The following DLG2 variants were observed in gnomAD, a reference collection of about 807,000 sequenced individuals.
The protein encoded by DLG2 is disks large homolog 2.
A neutral mutation model predicts 132.5 loss-of-function variants in DLG2; 45 were observed. That is an observed-to-expected ratio of 0.34 (90% CI 0.27 to 0.44). The LOEUF is 0.44. Among genes scored for constraint, DLG2 ranks in the 20% least tolerant of loss-of-function variants. The pLI, the probability that DLG2 is intolerant of heterozygous loss-of-function variation, is 1.00. For missense variants in DLG2, 1,045 were observed against 1,196.9 expected (o/e 0.87, Z 1.87); for synonymous variants, 424 against 419.6 (o/e 1.01, Z -0.13).
chr11:84,742,643 G>A (rs1205321709), intron 6 of DLG2, among the ~76,000 whole-genome samples: 3 of 152,084 alleles, frequency 2.0e-5, no homozygotes, highest in Admixed American at 6.5e-5. Context: ...AACCTTTATT[G>A]AGACATCATA....
At chr11:83,542,183 C>G (rs925458452) in intron 19 of DLG2, among the ~76,000 whole-genome samples, 10 of 151,890 alleles carry the variant, frequency 6.6e-5, no homozygotes, top group African/African-American at 2.4e-4. Context: ...GATTTTTTTC[C>G]CCTCCCATTA....
chr11:85,499,394 G>A (rs1258236100), intron 3 of DLG2, among the ~76,000 whole-genome samples: 2 of 152,204 alleles, frequency 1.3e-5, no homozygotes, highest in South Asian at 2.1e-4. Context: ...GACTAAACCA[G>A]GAAGAAGTTT....
At chr11:85,078,557 G>A (rs2066847449) in intron 6 of DLG2, among the ~76,000 whole-genome samples, 1 of 151,978 alleles carries the variant, frequency 6.6e-6, no homozygotes, top group South Asian at 2.1e-4. Flanking sequence ...TCATTTTAGT[G>A]AGATGGAAAC....
chr11:84,602,830 A>C (rs2099578973), intron 6 of DLG2, among the ~76,000 whole-genome samples: 6 of 152,032 alleles, frequency 3.9e-5, no homozygotes. Flanking sequence ...TAATTCATTC[A>C]GTGTTTCTTC....
chr11:85,414,972 T>C (rs1023147660), intron 3 of DLG2, among the ~76,000 whole-genome samples: 2 of 152,020 alleles, frequency 1.3e-5, no homozygotes, highest in African/African-American at 2.4e-5. Context: ...CAACTGGTCA[T>C]CTACATGAGG....
At chr11:84,906,894 C>T (rs1214385924) in intron 6 of DLG2, among the ~76,000 whole-genome samples, 2 of 152,102 alleles carry the variant, frequency 1.3e-5, no homozygotes, top group African/African-American at 4.8e-5. Flanking sequence ...ATGTTTAATG[C>T]TAAAATGAGG....
chr11:85,470,995 C>G (rs1411695590), intron 3 of DLG2, among the ~76,000 whole-genome samples: 1 of 152,160 alleles, frequency 6.6e-6, no homozygotes, highest in East Asian at 1.9e-4. Context: ...GTGTAAGTAC[C>G]CAGGACTCCT....
At chr11:84,299,324 G>C (rs1475481226) in intron 7 of DLG2, among the ~76,000 whole-genome samples, 1 of 152,140 alleles carries the variant, frequency 6.6e-6, no homozygotes, top group African/African-American at 2.4e-5. Flanking sequence ...TATTCATAAT[G>C]GATTGAAGAG....
rs564067296 is a variant in DLG2, at chr11:83,883,792, T to C, written c.1497-9304A>G. On this transcript the variant is annotated intron_variant, in intron 15 of 27. Coordinates refer to ENST00000376104, the MANE Select transcript of DLG2 (RefSeq NM_001142699.3). ...AAGCAATAAGGCACTTAGTAATGTA[T>C]GAACATGTATACAAAAAAAAAAAAA... Among the ~76,000 whole-genome samples the C allele has an allele frequency of 1.6e-4, 23 of 148,024 alleles. 1 individual carries two copies. The South Asian group carries it at 4.6e-3, about 29-fold the overall frequency.
chr11:84,045,512 T>C (rs923049687), intron 11 of DLG2, among the ~76,000 whole-genome samples: 4 of 151,760 alleles, frequency 2.6e-5, no homozygotes, highest in South Asian at 2.1e-4. Flanking sequence ...TAATATTCAA[T>C]TGTCTTATTC....
chr11:84,120,361 C>A (rs1200057839), intron 9 of DLG2, among the ~76,000 whole-genome samples: 2 of 152,142 alleles, frequency 1.3e-5, no homozygotes, highest in Non-Finnish European at 2.9e-5. Context: ...CCATTTATTT[C>A]TTTTAGCCCC....
At chr11:84,096,878 G>GAA (rs1595155263) in intron 10 of DLG2, among the ~76,000 whole-genome samples, 1 of 130,548 alleles carries the variant, frequency 7.7e-6, no homozygotes, top group East Asian at 2.2e-4. Flanking sequence ...CTTTTTTGTT[G>GAA]AAAAAAGATG....
At chr11:84,457,687 G>A (rs557591291) in intron 7 of DLG2, among the ~76,000 whole-genome samples, 1 of 150,850 alleles carries the variant, frequency 6.6e-6, no homozygotes, top group Non-Finnish European at 1.5e-5. Flanking sequence ...CTGTTTCTGA[G>A]AGCAATTTCA....
At chr11:85,520,491 A>G (rs2074210974) in intron 3 of DLG2, among the ~76,000 whole-genome samples, 1 of 148,186 alleles carries the variant, frequency 6.7e-6, no homozygotes, top group South Asian at 2.2e-4. Flanking sequence ...AACAGAAAAA[A>G]ATAGTCCTAA....
chr11:83,850,653 A>G (rs566098110), intron 16 of DLG2, among the ~76,000 whole-genome samples: 1 of 152,360 alleles, frequency 6.6e-6, no homozygotes, highest in South Asian at 2.1e-4. Context: ...CAGAGGCCAG[A>G]TCAGGAAGAG....
At chr11:85,472,024 A>T (rs1423861034) in intron 3 of DLG2, among the ~76,000 whole-genome samples, 1 of 152,180 alleles carries the variant, frequency 6.6e-6, no homozygotes, top group Non-Finnish European at 1.5e-5. Context: ...TAGGCAGACA[A>T]GGGTGGGTCC....
intron 6 of DLG2, among the ~76,000 whole-genome samples, chr11:84,649,491 GA>G (rs2099678940): frequency 6.6e-6 from 1 of 152,202 alleles, no homozygotes. Context: ...ATTAAACAAA[GA>G]AACCCAAAGG....
At chr11:84,134,148 G>A (rs1339713897) in intron 9 of DLG2, among the ~76,000 whole-genome samples, 11 of 152,040 alleles carry the variant, frequency 7.2e-5, no homozygotes, top group Non-Finnish European at 1.6e-4. Context: ...GGGAAGGAAT[G>A]GGGTGACTGC....
intron 3 of DLG2, among the ~76,000 whole-genome samples, chr11:85,438,449 A>G (rs1247506635): frequency 6.6e-6 from 1 of 152,236 alleles, no homozygotes; most frequent in Non-Finnish European, 1.5e-5. Context: ...AGATAATTAT[A>G]GACTTACTTG....
Sources: allele counts gnomAD v4.1 joint callset (sites outside exome capture counted in the v4.1 genomes callset), GRCh38; gene constraint gnomAD v4.1.1; transcripts MANE v1.5; gene names NCBI Gene and HGNC (gene_info 2026-07-23, HGNC 2026-07-21).